The following CLNK variants were observed in gnomAD, a reference collection of about 807,000 sequenced individuals.
CLNK encodes the protein cytokine-dependent hematopoietic cell linker.
A neutral mutation model predicts 68.6 loss-of-function variants in CLNK; 74 were observed. That is an observed-to-expected ratio of 1.08 (90% CI 0.89 to 1.31). CLNK has a LOEUF of 1.31. CLNK is among the 50% of genes most tolerant of loss of function. The probability of loss-of-function intolerance (pLI) is 0.00; values close to 1 mark genes in which losing one functional copy is unlikely to be tolerated. For missense variants in CLNK, 553 were observed against 515.3 expected (o/e 1.07, Z -0.71); for synonymous variants, 198 against 172.2 (o/e 1.15, Z -1.17).
intron 7 of CLNK, among the ~76,000 whole-genome samples, chr4:10,561,136 A>G (rs1054278797): frequency 6.6e-6 from 1 of 152,000 alleles, no homozygotes; most frequent in Non-Finnish European, 1.5e-5. Flanking sequence ...CCTGGGCTGA[A>G]GCAATTCACC....
intron 2 of CLNK, among the ~76,000 whole-genome samples, chr4:10,642,019 C>G (rs899709609): frequency 6.6e-6 from 1 of 152,146 alleles, no homozygotes; most frequent in African/African-American, 2.4e-5. Context: ...CATTAAACCT[C>G]TTTTTCTTTA....
intron 1 of CLNK, among the ~76,000 whole-genome samples, chr4:10,677,010 T>C (rs1724903276): frequency 6.6e-6 from 1 of 150,572 alleles, no homozygotes; most frequent in Non-Finnish European, 1.5e-5. Context: ...CCATAAATGA[T>C]GGCAGAACCA....
In CLNK at chr4:10,490,169, A is replaced by G; in HGVS notation, c.*298T>C. 2 of 287,326 alleles carry G rather than the reference A, an allele frequency of 7.0e-6. No homozygotes were observed. The highest frequency in any genetic ancestry group is 1.3e-5 in the Non-Finnish European group (2 of 154,932). The allele number at this position is 287,326 out of a possible 1,614,324, so 17.8% of individuals were successfully genotyped here. ...TATCATGAGCATAATGGCTATGTTT[A>G]TAGTATTTTTTGTTGTTGTTTTTTA... On this transcript the variant is annotated 3_prime_UTR_variant, in exon 19 of 19. Coordinates refer to ENST00000226951, the MANE Select transcript of CLNK (RefSeq NM_052964.4).
At chr4:10,676,702 C>A (rs929417788) in intron 1 of CLNK, among the ~76,000 whole-genome samples, 1 of 151,808 alleles carries the variant, frequency 6.6e-6, no homozygotes, top group African/African-American at 2.4e-5. Flanking sequence ...TGGTAAGATT[C>A]TTTCTCTCTC....
At chr4:10,623,883 CG>C (rs1722555581) in intron 2 of CLNK, among the ~76,000 whole-genome samples, 1 of 152,154 alleles carries the variant, frequency 6.6e-6, no homozygotes, top group African/African-American at 2.4e-5. Context: ...TTCTCTTAAA[CG>C]GTAAGAAATG....
chr4:10,661,309 A>C (rs1724183545), intron 2 of CLNK, among the ~76,000 whole-genome samples: 1 of 152,236 alleles, frequency 6.6e-6, no homozygotes, highest in South Asian at 2.1e-4. Context: ...ATCACCACCT[A>C]GGAACTGAAT....
chr4:10,662,154 G>A (rs189954807), intron 2 of CLNK, among the ~76,000 whole-genome samples: 58 of 152,140 alleles, frequency 3.8e-4, no homozygotes, highest in African/African-American at 1.3e-3. Context: ...TTGTCTGCTG[G>A]GGAGCATCAC....
the CLNK span, among the ~76,000 whole-genome samples, chr4:10,709,919 G>T: frequency 6.6e-6 from 1 of 152,048 alleles, no homozygotes; most frequent in African/African-American, 2.4e-5. Flanking sequence ...GATGCAGGAG[G>T]GATCCCAGCT....
intron 2 of CLNK, among the ~76,000 whole-genome samples, chr4:10,603,008 T>C (rs2720374): frequency 0.69 from 104,224 of 152,014 alleles, 36,641 homozygotes; most frequent in East Asian, 0.77. Context: ...CCATCTTAGT[T>C]ATTCCCCTCT....
chr4:10,658,881 G>A (rs1356796039), intron 2 of CLNK, among the ~76,000 whole-genome samples: 1 of 152,192 alleles, frequency 6.6e-6, no homozygotes, highest in Non-Finnish European at 1.5e-5. Context: ...GGTGGGATAC[G>A]TTGTTGTAGC....
At chr4:10,493,141 A>T (rs1716650501) in intron 18 of CLNK, among the ~76,000 whole-genome samples, 1 of 152,154 alleles carries the variant, frequency 6.6e-6, no homozygotes, top group African/African-American at 2.4e-5. Context: ...ACATAGTGAA[A>T]TCCCCTCTCT....
chr4:10,643,822 A>G (rs1723409159), intron 2 of CLNK, among the ~76,000 whole-genome samples: 1 of 152,176 alleles, frequency 6.6e-6, no homozygotes, highest in African/African-American at 2.4e-5. Context: ...CACATCAAAT[A>G]TCTTATGTTC....
chr4:10,577,288 T>C (rs1174288470), intron 4 of CLNK, among the ~76,000 whole-genome samples: 3 of 152,166 alleles, frequency 2.0e-5, no homozygotes, highest in Non-Finnish European at 2.9e-5. Context: ...AGATCAGGGC[T>C]GGCTCCAAAT....
At chr4:10,543,447 G>C (rs1719113705) in intron 8 of CLNK, among the ~76,000 whole-genome samples, 1 of 152,230 alleles carries the variant, frequency 6.6e-6, no homozygotes, top group Non-Finnish European at 1.5e-5. Context: ...TCATTTGTGA[G>C]ACAAGGAGGT....
intron 16 of CLNK, among the ~76,000 whole-genome samples, chr4:10,509,070 G>A (rs1221226127): frequency 2.3e-5 from 3 of 130,630 alleles, no homozygotes; most frequent in Admixed American, 9.2e-5. Flanking sequence ...TCGTGCCACT[G>A]CACTCCAGCC....
At chr4:10,581,232 G>A (rs977590204) in intron 4 of CLNK, among the ~76,000 whole-genome samples, 3 of 152,032 alleles carry the variant, frequency 2.0e-5, no homozygotes, top group South Asian at 2.1e-4. Flanking sequence ...ATTCTATGAC[G>A]TACACACAAT....
At chr4:10,566,340 T>C (rs1008476713) in intron 5 of CLNK, among the ~76,000 whole-genome samples, 190 bp from the exon 6 acceptor site, 5 of 152,234 alleles carry the variant, frequency 3.3e-5, no homozygotes, top group Non-Finnish European at 7.3e-5. Flanking sequence ...TATCTCCCAA[T>C]ATTCTCATCT....
At chr4:10,714,906 C>T in the CLNK span, among the ~76,000 whole-genome samples, 29 of 151,884 alleles carry the variant, frequency 1.9e-4, no homozygotes, top group African/African-American at 6.3e-4. Context: ...AAGAATTTTT[C>T]TTTTTTTATT....
At chr4:10,676,733 G>A (rs568630156) in intron 1 of CLNK, among the ~76,000 whole-genome samples, 1 of 152,100 alleles carries the variant, frequency 6.6e-6, no homozygotes, top group Non-Finnish European at 1.5e-5. Context: ...ACTTTGTGGT[G>A]AATAGACTTT....
Sources: gnomAD v4.1 joint callset for allele counts (sites outside exome capture counted in the v4.1 genomes callset) on GRCh38, gnomAD v4.1.1 for gene constraint, MANE v1.5 for transcripts, NCBI Gene and HGNC (gene_info 2026-07-23, HGNC 2026-07-21) for gene names.